The following LZTS3 variants were observed in gnomAD, a reference collection of about 807,000 sequenced individuals.
LZTS3 encodes the protein leucine zipper putative tumor suppressor 3.
LZTS3 carries 16 observed loss-of-function variants against 50.9 expected under a neutral mutation model. The observed-to-expected ratio is 0.31, with a 90% CI of 0.21 to 0.48. The LOEUF is 0.48. Among genes scored for constraint, LZTS3 ranks in the 20% least tolerant of loss-of-function variants. The pLI, the probability that LZTS3 is intolerant of heterozygous loss-of-function variation, is 0.99. For missense variants in LZTS3, 816 were observed against 931.0 expected (o/e 0.88, Z 1.61); for synonymous variants, 408 against 410.6 (o/e 0.99, Z 0.08).
rs2066786764 is a variant in LZTS3 at position 3,164,923 on chromosome 20, T to C, written c.1553A>G (p.Lys518Arg). 6.5e-7 allele frequency: 1 copy of C among 1,548,568 alleles called. No individual in the cohort carries two copies. Among genetic ancestry groups the C allele is most frequent in the Non-Finnish European group, 8.7e-7 (1 of 1,153,328 alleles). ...CGGGTCCACGGGGGTCAGCGCCGGC[T>C]TGAGGCAGGCGGCAGGCAGCTCGCC... ...GEGELPAACL[K>R]PALTPVDPAE... Residue 518 changes from lysine to arginine, a missense_variant, in exon 5 of 5, where the codon AAG (lysine) becomes AGG (arginine). Coordinates refer to ENST00000337576, the MANE Select transcript of LZTS3 (RefSeq NM_001365618.1).
intron 3 of LZTS3, 113 bp from the exon 4 acceptor site, chr20:3,166,473 C>A: frequency 7.4e-7 from 1 of 1,355,908 alleles, no homozygotes; most frequent in Non-Finnish European, 9.8e-7. Context: ...TACTGGATTT[C>A]CACCCTGAGG....
At chr20:3,173,156 A>G (rs2122209431) in intron 1 of LZTS3, among the ~76,000 whole-genome samples, 3 of 152,162 alleles carry the variant, frequency 2.0e-5, no homozygotes, top group Non-Finnish European at 4.4e-5. Flanking sequence ...GCGATGGGGG[A>G]AACCCCGCCC....
At position 3,165,643 on chromosome 20, in the gene LZTS3, C is replaced by A. The variant is rs866866084; in HGVS notation, c.1177G>T (p.Val393Leu). The change falls in exon 4 of 5, where the codon GTG becomes TTG. Residue 393 changes from valine to leucine, a missense_variant. Around this residue, in one of 3 missense-constraint regions of LZTS3, gnomAD observed 700 missense variants for 769.4 expected, o/e 0.91. Coordinates refer to ENST00000337576, the MANE Select transcript of LZTS3 (RefSeq NM_001365618.1). The surrounding 1 kb of genome is among the most constrained non-coding windows in gnomAD (Gnocchi z 5.0). ...QRAQQGLQLQVLRLQQDKKQL... is the reference protein window; with the variant it reads ...QRAQQGLQLQLLRLQQDKKQL... ...TTCTTGTCCTGCTGCAGCCGCAACA[C>A]CTGCAGCTGTAGGCCCTGCTGGGCG... 11 of 1,595,474 alleles carry A rather than the reference C, an allele frequency of 6.9e-6. No individual in the cohort carries two copies. The highest frequency in any genetic ancestry group is 8.5e-6 in the Non-Finnish European group (10 of 1,178,106).
intron 1 of LZTS3, 26 bp from the exon 2 acceptor site, chr20:3,167,987 C>T (rs2066854868): frequency 7.5e-6 from 4 of 533,918 alleles, no homozygotes; most frequent in Non-Finnish European, 9.6e-6. Flanking sequence ...AATGAAGGAC[C>T]TACCTTGCGG....
At chr20:3,172,571 C>A (rs75857963) in intron 1 of LZTS3, among the ~76,000 whole-genome samples, 2 of 152,266 alleles carry the variant, frequency 1.3e-5, no homozygotes, top group Admixed American at 6.5e-5. Context: ...CTCCACCCCC[C>A]AGAGGGGGCA....
Position 3,165,375 on chromosome 20 carries a change from CCCCCCT to C in LZTS3, c.1323+116_1323+121del. The C allele has an allele frequency of 7.7e-7, 1 of 1,305,376 alleles. No homozygotes were observed. The highest frequency in any genetic ancestry group is 2.8e-5 in the East Asian group (1 of 36,270). 80.9% of individuals were successfully genotyped at this position (1,305,376 alleles called of 1,614,324 possible). A position where few individuals can be genotyped will look rare whatever the true frequency, so the allele number is the denominator to read the frequency against. Reference sequence around the variant, plus strand: ...ACAGACACTCCCAATTGATTTTTGTCCCCCCTGCTCCTTTCATCCCCCCCCCCATCC... The same window carrying C: ...ACAGACACTCCCAATTGATTTTTGTCGCTCCTTTCATCCCCCCCCCCATCC... On this transcript the variant is annotated intron_variant, in intron 4 of 4. Transcript: ENST00000337576. The surrounding 1 kb of genome is among the most constrained non-coding windows in gnomAD (Gnocchi z 5.0).
At chr20:3,167,340 G>T (rs1266831026) in intron 2 of LZTS3, 159 bp from the exon 3 acceptor site, 1 of 1,363,978 alleles carries the variant, frequency 7.3e-7, no homozygotes, top group Non-Finnish European at 9.4e-7. Flanking sequence ...ATAAGGCTGG[G>T]ATAAAAGAGA....
intron 1 of LZTS3, among the ~76,000 whole-genome samples, chr20:3,171,649 T>G (rs1600456293): frequency 1.6e-5 from 2 of 126,988 alleles, no homozygotes; most frequent in African/African-American, 6.2e-5. Flanking sequence ...GGCAACGGAG[T>G]GAGATACCCC....
At chr20:3,170,282 G>T (rs150784019) in intron 1 of LZTS3, among the ~76,000 whole-genome samples, 265 of 152,198 alleles carry the variant, frequency 1.7e-3, no homozygotes, top group African/African-American at 5.7e-3. Context: ...TTGAGGTCAG[G>T]AGTTCGAGAC....
intron 3 of LZTS3, 117 bp downstream of exon 3, chr20:3,166,588 C>T: frequency 7.4e-7 from 1 of 1,345,304 alleles, no homozygotes; most frequent in Non-Finnish European, 1.0e-6. Context: ...CTCCCCAGCC[C>T]AGCCTCCATC....
chr20:3,171,283 AGTC>A (rs2066899692), intron 1 of LZTS3, among the ~76,000 whole-genome samples: 4 of 152,112 alleles, frequency 2.6e-5, no homozygotes, highest in Non-Finnish European at 5.9e-5. Context: ...AGATGCCTCG[AGTC>A]GTGGATGGAA....
chr20:3,166,826 C>A lies in LZTS3; in HGVS notation c.338G>T (p.Gly113Val). 6.2e-7 allele frequency: 1 copy of A among 1,613,888 alleles called. No homozygotes were observed. The highest frequency in any genetic ancestry group is 1.6e-4 in the Middle Eastern group (1 of 6,062). ...LRGSDHTDVC[G>V]NVVGSSGGSS... ...GCCTCCGCTGCTGCCAACCACGTTG[C>A]CACAGACATCGGTGTGGTCACTGCC... The change falls in exon 3 of 5, where the codon GGC becomes GTC. Residue 113 changes from glycine to valine, a missense_variant. Physicochemically the swap from Gly to Val is moderately radical, Grantham distance 109. This residue lies in a region of LZTS3 where 700 missense variants were observed against 769.4 expected (regional missense o/e 0.91). Coordinates refer to ENST00000337576, the MANE Select transcript of LZTS3 (RefSeq NM_001365618.1).
Position 3,166,169 on chromosome 20 carries a change from T to A in LZTS3, c.651A>T (p.Ser217=). The change falls in exon 4 of 5, where the codon TCA becomes TCT. Residue 217 remains serine (S), a synonymous_variant. Transcript: ENST00000337576. ...TPAGGSGSGL[S]DSGRNSLTSL... is the part of the protein sequence containing the mutation. ...TTGTGAGGGAGTTCCGGCCTGAGTC[T>A]GAGAGGCCACTCCCACTCCCACCCG... The A allele has an allele frequency of 1.2e-6, 2 of 1,613,816 alleles. No homozygotes were observed. The highest frequency in any genetic ancestry group is 1.7e-5 in the Admixed American group (1 of 59,982).
chr20:3,165,578 C>T lies in LZTS3; in HGVS notation c.1242G>A (p.Arg414=). 6.3e-7 allele frequency: 1 copy of T among 1,595,826 alleles called. No individual in the cohort carries two copies. The highest frequency in any genetic ancestry group is 8.5e-7 in the Non-Finnish European group (1 of 1,178,268). Residue 414 remains arginine, a synonymous_variant, in exon 4 of 5, where the codon CGG becomes CGA. Transcript: ENST00000337576. The surrounding 1 kb of genome is among the most constrained non-coding windows in gnomAD (Gnocchi z 5.0). ...QEEAARLMRQ[R]EELEDKVAAC... ...CGGCCACCTTGTCCTCCAGCTCTTCCCGCTGCCGCATCAGCCGGGCCGCCT... is the reference window on the plus strand; with the variant it reads ...CGGCCACCTTGTCCTCCAGCTCTTCTCGCTGCCGCATCAGCCGGGCCGCCT...
At chr20:3,172,786 AG>A (rs920361739) in intron 1 of LZTS3, among the ~76,000 whole-genome samples, 17 of 152,264 alleles carry the variant, frequency 1.1e-4, no homozygotes, top group Admixed American at 4.6e-4. Flanking sequence ...GGAGAGCAGG[AG>A]GGGTTTCCAG....
In LZTS3 at chr20:3,165,100, G is replaced by A; in HGVS notation, c.1376C>T (p.Ser459Leu). The change falls in exon 5 of 5, where the codon TCG becomes TTG. Residue 459 changes from serine (S) to leucine (L), a missense_variant. Transcript: ENST00000337576. The surrounding 1 kb of genome is among the most constrained non-coding windows in gnomAD (Gnocchi z 5.0). ...CAACTTCTGCGACACATCCGCCTGC[G>A]AGTCCTTCAGCTGCTGCTTCAGGAG... is the stretch of plus-strand genomic sequence containing the variant. ...ISLLKQQLKD[S>L]QADVSQKLSE... 6.3e-7 allele frequency: 1 copy of A among 1,593,164 alleles called. No homozygotes were observed. The highest frequency in any genetic ancestry group is 8.5e-7 in the Non-Finnish European group (1 of 1,171,132).
Position 3,165,357 on chromosome 20 carries a change from C to T in LZTS3, c.1323+140G>A. ...GGATGGCCTCGGGTCCTCACAGACACTCCCAATTGATTTTTGTCCCCCCTG... is the reference window on the plus strand; with the variant it reads ...GGATGGCCTCGGGTCCTCACAGACATTCCCAATTGATTTTTGTCCCCCCTG... On this transcript the variant is annotated intron_variant, in intron 4 of 4. Coordinates refer to ENST00000337576, the MANE Select transcript of LZTS3 (RefSeq NM_001365618.1). The surrounding 1 kb of genome is among the most constrained non-coding windows in gnomAD (Gnocchi z 5.0). 1 of 1,373,692 alleles carries T rather than the reference C, an allele frequency of 7.3e-7. No individual in the cohort carries two copies. The highest frequency in any genetic ancestry group is 1.5e-5 in the South Asian group (1 of 68,004). The allele number at this position is 1,373,692 out of a possible 1,614,324, so 85.1% of individuals were successfully genotyped here.
chr20:3,166,133 G>T lies in LZTS3; in HGVS notation c.687C>A (p.Thr229=). The T allele has an allele frequency of 6.2e-7, 1 of 1,613,320 alleles. No individual in the cohort carries two copies. The highest frequency in any genetic ancestry group is 1.1e-5 in the South Asian group (1 of 91,012). Residue 229 remains threonine, a synonymous_variant, in exon 4 of 5, where the codon ACC becomes ACA. Coordinates refer to ENST00000337576, the MANE Select transcript of LZTS3 (RefSeq NM_001365618.1). ...GGTGCTGGCTGTAGCTGGAGCTGTA[G>T]GTGGGCAGGCTTGTGAGGGAGTTCC... The part of the protein sequence containing the change: ...SGRNSLTSLP[T]YSSSYSQHLA...
At position 3,166,740 on chromosome 20, in the gene LZTS3, G is replaced by A. The variant is rs1247298945; in HGVS notation, c.424C>T (p.Pro142Ser). The change falls in exon 3 of 5, where the codon CCC becomes TCC. Residue 142 changes from proline (P) to serine (S), a missense_variant. Coordinates refer to ENST00000337576, the MANE Select transcript of LZTS3 (RefSeq NM_001365618.1). The stretch of plus-strand genomic sequence containing the variant: ...TTGCCAGAGGTGGCCAGGAGCTTGG[G>A]TGGGTGGCTGGGCTCACGATACTGC... The part of the protein sequence containing the change: ...PPQYREPSHP[P>S]KLLATSGKLD... 5 of 1,613,834 alleles carry A rather than the reference G, an allele frequency of 3.1e-6. No individual in the cohort carries two copies. Among genetic ancestry groups the A allele is most frequent in the East Asian group, 4.5e-5 (2 of 44,870 alleles).
Sources: gnomAD v4.1 joint callset for allele counts (sites outside exome capture counted in the v4.1 genomes callset) on GRCh38, gnomAD v4.1.1 for gene constraint, gnomAD v4.1.1 regional missense constraint, Gnocchi (gnomAD v3.1) non-coding constraint, MANE v1.5 for transcripts, NCBI Gene and HGNC (gene_info 2026-07-23, HGNC 2026-07-21) for gene names.